ALS2: variants seen among roughly 807,000 people sequenced by gnomAD.
ALS2 encodes alsin Rho guanine nucleotide exchange factor ALS2, also known as alsin.
Under a neutral mutation model 203.4 loss-of-function variants are expected in ALS2, and 117 were observed. The observed-to-expected ratio is 0.58, with a 90% CI of 0.50 to 0.67. The LOEUF (loss-of-function observed/expected upper bound fraction) is 0.67, where lower values mean the gene tolerates loss of function less well. Among genes scored for constraint, ALS2 ranks in the 30% least tolerant of loss-of-function variants. The probability of loss-of-function intolerance (pLI) is 0.00; values close to 1 mark genes in which losing one functional copy is unlikely to be tolerated. For missense variants in ALS2, 1,715 were observed against 1,989.4 expected, an observed-to-expected ratio of 0.86 and a Z score of 2.62; for synonymous variants, 718 against 725.9, an observed-to-expected ratio of 0.99 and a Z score of 0.17.
Position 201,749,782 on chromosome 2 carries a change from G to A in ALS2, c.1745C>T (p.Ser582Leu). 1 of 1,613,852 alleles carries A rather than the reference G, an allele frequency of 6.2e-7. No homozygotes were observed. The highest frequency in any genetic ancestry group is 8.5e-7 in the Non-Finnish European group (1 of 1,179,826). The change falls in exon 8 of 34, where the codon TCA becomes TTA. Residue 582 changes from serine to leucine, a missense_variant. Around this residue, in one of 3 missense-constraint regions of ALS2, gnomAD observed 1,227 missense variants for 1,413.5 expected, o/e 0.87. Coordinates refer to ENST00000264276, the MANE Select transcript of ALS2 (RefSeq NM_020919.4). ...LALTAKSQVY[S>L]WGSNTFGQLG... is the part of the protein sequence containing the mutation. ...TTGACCAAAGGTATTGCTACCCCAT[G>A]AGTAAACCTATCAAAAAAACACAGA...
At chr2:201,730,360 C>A (rs746090081) in intron 13 of ALS2, among the ~76,000 whole-genome samples, 1 of 152,104 alleles carries the variant, frequency 6.6e-6, no homozygotes, top group African/African-American at 2.4e-5. Flanking sequence ...AATGTTGATA[C>A]CTTTTTTTCT....
Position 201,754,613 on chromosome 2 carries a change from G to A in ALS2, c.1530C>T (p.Thr510=). Reference sequence around the variant, plus strand: ...CATCTGCTTCTCCACTGTATGTGGGGGTCAGAACCACTGTCCTCGTTTTCA... The same window carrying A: ...CATCTGCTTCTCCACTGTATGTGGGAGTCAGAACCACTGTCCTCGTTTTCA... ...ARVKTRTVVL[T]PTYSGEADAL... is the part of the protein sequence containing the mutation. The change falls in exon 6 of 34, where the codon ACC becomes ACT. Residue 510 remains threonine, a synonymous_variant. Transcript: ENST00000264276. 2 of 1,614,100 alleles carry A rather than the reference G, an allele frequency of 1.2e-6. No homozygotes were observed. The highest frequency in any genetic ancestry group is 2.2e-5 in the East Asian group (1 of 44,868).
At chr2:201,737,510 T>A (rs1691954715) in intron 12 of ALS2, among the ~76,000 whole-genome samples, 2 of 152,230 alleles carry the variant, frequency 1.3e-5, no homozygotes, top group African/African-American at 4.8e-5. Flanking sequence ...CCCTATAAAT[T>A]ATATCTACCA....
intron 13 of ALS2, 66 bp from the exon 14 acceptor site, chr2:201,729,249 G>A (rs1691390779): frequency 2.2e-5 from 33 of 1,529,386 alleles, no homozygotes; most frequent in Non-Finnish European, 2.9e-5. Flanking sequence ...AGAATCTGTA[G>A]CCTCAGTCTG....
At chr2:201,724,547 T>A in intron 20 of ALS2, 88 bp from the exon 21 acceptor site, 1 of 1,260,954 alleles carries the variant, frequency 7.9e-7, no homozygotes, top group African/African-American at 1.5e-5. Context: ...AAAACCATAC[T>A]CAGTCTCACT....
Position 201,711,041 on chromosome 2 carries a change from C to G in ALS2, c.4072G>C (p.Gly1358Arg), listed in dbSNP as rs536721114. The G allele has an allele frequency of 6.8e-6, 11 of 1,612,812 alleles. No homozygotes were observed. In the South Asian group the frequency reaches 9.9e-5, roughly 14 times the overall value. The change falls in exon 26 of 34, where the codon GGT (glycine) becomes CGT (arginine). Residue 1358 changes from glycine to arginine, a missense_variant. Transcript: ENST00000264276. ...ESLEFIPQHV[G>R]AFSVEKYDDI... is the part of the protein sequence containing the mutation. ...TCATATTTCTCCACAGAGAAGGCAC[C>G]AACATGCTGTGGAATGAATTCCAAA...
chr2:201,778,943 T>C (rs949157423), intron 1 of ALS2, among the ~76,000 whole-genome samples: 6 of 152,192 alleles, frequency 3.9e-5, no homozygotes, highest in African/African-American at 7.2e-5. Context: ...TAGTCTCACA[T>C]TAATAAATAA....
intron 27 of ALS2, 112 bp downstream of exon 27, chr2:201,709,769 T>C: frequency 7.6e-7 from 1 of 1,319,294 alleles, no homozygotes; most frequent in Admixed American, 1.7e-5. Context: ...CTTAATCTAT[T>C]AAAGGACTGT....
rs1691241268 is a variant in ALS2, at chr2:201,727,276, T to C, written c.2915A>G (p.Asn972Ser). ...CTCAGGTGTAGTTATCTTTAAGCCA[T>C]TCCTAAAACGTTCACAAGGATAAAT... is the stretch of plus-strand genomic sequence containing the variant. ...EPLSEEAGGV[N>S]GLKITTPEEQ... Residue 972 changes from asparagine to serine, a missense_variant and splice_region_variant, in exon 17 of 34, where the codon AAT becomes AGT. Asn to Ser is a conservative substitution (Grantham distance 46, BLOSUM62 1). Around this residue, in one of 3 missense-constraint regions of ALS2, gnomAD observed 1,227 missense variants for 1,413.5 expected, o/e 0.87. Transcript: ENST00000264276. 6.2e-7 allele frequency: 1 copy of C among 1,613,016 alleles called. No individual in the cohort carries two copies. Among genetic ancestry groups the C allele is most frequent in the Non-Finnish European group, 8.5e-7 (1 of 1,179,034 alleles).
At chr2:201,749,507 G>T (rs1458958667) in intron 8 of ALS2, among the ~76,000 whole-genome samples, 8 of 152,194 alleles carry the variant, frequency 5.3e-5, no homozygotes, top group Non-Finnish European at 8.8e-5. Flanking sequence ...AACAGTTGAA[G>T]CTAAGAAATA....
At chr2:201,746,452 A>G in intron 9 of ALS2, 114 bp downstream of exon 9, 1 of 1,281,414 alleles carries the variant, frequency 7.8e-7, no homozygotes, top group South Asian at 1.2e-5. Flanking sequence ...GCAATTTTAA[A>G]TAAGGTAGTT....
In ALS2 at chr2:201,767,259, C is replaced by T. The variant is rs982661570; in HGVS notation, c.145G>A (p.Gly49Arg). The stretch of plus-strand genomic sequence containing the variant: ...GTCAGAAGAACTCCATGTTTCACTC[C>T]GAGGGCTGCCTGCAAAACAGTCTTT... ...GGKTVLQAAL[G>R]VKHGVLLTED... Residue 49 changes from glycine (G) to arginine (R), a missense_variant, in exon 3 of 34, where the codon GGA becomes AGA. Physicochemically the swap from Gly to Arg is moderately radical, Grantham distance 125. This residue lies in a region of ALS2 where 476 missense variants were observed against 539.3 expected (regional missense o/e 0.88). Transcript: ENST00000264276. 8.7e-6 allele frequency: 14 copies of T among 1,613,910 alleles called. No individual in the cohort carries two copies. Among genetic ancestry groups the T allele is most frequent in the African/African-American group, 2.7e-5 (2 of 74,848 alleles).
intron 1 of ALS2, among the ~76,000 whole-genome samples, chr2:201,772,950 C>T (rs1694475886): frequency 1.3e-5 from 2 of 151,064 alleles, no homozygotes; most frequent in African/African-American, 2.4e-5. Flanking sequence ...CAACCTCCAC[C>T]TCCTGGGTTC....
At chr2:201,769,021 C>T in intron 1 of ALS2, 76 bp from the exon 2 acceptor site, 1 of 691,754 alleles carries the variant, frequency 1.4e-6, no homozygotes, top group Non-Finnish European at 2.4e-6. Flanking sequence ...AAAAAGCAGC[C>T]CTCTAACAAG....
chr2:201,735,695 T>C (rs989159159), intron 12 of ALS2, among the ~76,000 whole-genome samples: 13 of 152,218 alleles, frequency 8.5e-5, no homozygotes, highest in Non-Finnish European at 1.5e-5. Flanking sequence ...TTTCAACTTA[T>C]GTCATCTCAT....
At position 201,723,177 on chromosome 2, in the gene ALS2, G is replaced by A. The variant is rs1215569445; in HGVS notation, c.3625-57C>T. The stretch of plus-strand genomic sequence containing the variant: ...ACATAAAATACAGAGTAACTTAAGA[G>A]TGCACGCAGTCATATCCCCAAAGCC... On this transcript the variant is annotated intron_variant, in intron 22 of 33. Transcript: ENST00000264276. The A allele has an allele frequency of 7.5e-6, 11 of 1,461,118 alleles. No homozygotes were observed. In the Admixed American group the frequency reaches 1.0e-4, roughly 13 times the overall value. The allele number at this position is 1,461,118 out of a possible 1,614,324, so 90.5% of individuals were successfully genotyped here.
At chr2:201,767,983 A>G (rs1410347810) in intron 2 of ALS2, among the ~76,000 whole-genome samples, 1 of 152,234 alleles carries the variant, frequency 6.6e-6, no homozygotes, top group African/African-American at 2.4e-5. Flanking sequence ...TTGGTAGCAT[A>G]AAATTCCAAG....
chr2:201,771,554 C>G (rs1416045824), intron 1 of ALS2, among the ~76,000 whole-genome samples: 1 of 152,098 alleles, frequency 6.6e-6, no homozygotes, highest in Non-Finnish European at 1.5e-5. Flanking sequence ...GTGGTATTTA[C>G]CAACTCTATT....
At position 201,715,845 on chromosome 2, in the gene ALS2, A is replaced by G; in HGVS notation, c.3837-6T>C. 1 of 1,614,188 alleles carries G rather than the reference A, an allele frequency of 6.2e-7. No individual in the cohort carries two copies. The highest frequency in any genetic ancestry group is 8.5e-7 in the Non-Finnish European group (1 of 1,180,014). ...CCAGGTTTCCTAGCTTCCTGCTAAT[A>G]AAGTCATATCAACCTTTTATTAATC... On this transcript the variant is annotated splice_polypyrimidine_tract_variant and splice_region_variant and intron_variant, in intron 24 of 33. Transcript: ENST00000264276.
Sources: gnomAD v4.1 joint callset for allele counts (sites outside exome capture counted in the v4.1 genomes callset) on GRCh38, gnomAD v4.1.1 for gene constraint, gnomAD v4.1.1 regional missense constraint, MANE v1.5 for transcripts, NCBI Gene and HGNC (gene_info 2026-07-23, HGNC 2026-07-21) for gene names.